Variants in ADRA1A observed in about 807,000 individuals in gnomAD.
ADRA1A encodes alpha-1A adrenergic receptor.
ADRA1A carries 31 observed loss-of-function variants against 29.6 expected under a neutral mutation model. That is an observed-to-expected ratio of 1.05 (90% confidence interval 0.79 to 1.41). ADRA1A has a LOEUF of 1.41. Among genes scored for constraint, ADRA1A ranks in the 40% most tolerant of loss-of-function variants. The pLI is 0.00. For missense variants in ADRA1A, 619 were observed against 601.1 expected, an observed-to-expected ratio of 1.03 and a Z score of -0.31; for synonymous variants, 311 against 254.3, an observed-to-expected ratio of 1.22 and a Z score of -2.12.
chr8:26,766,674 A>G (rs1805808434), downstream of ADRA1A, among the ~76,000 whole-genome samples: 1 of 152,182 alleles, frequency 6.6e-6, no homozygotes. Context: ...GGGCTATGGA[A>G]AATGTGCAGG....
intron 2 of ADRA1A, among the ~76,000 whole-genome samples, chr8:26,850,733 C>G (rs894179199): frequency 1.3e-5 from 2 of 152,200 alleles, no homozygotes; most frequent in African/African-American, 4.8e-5. Flanking sequence ...CTCAAGTGAT[C>G]CGCCCACCTC....
downstream of ADRA1A, among the ~76,000 whole-genome samples, chr8:26,764,301 C>T (rs1805660376): frequency 6.6e-6 from 1 of 152,146 alleles, no homozygotes; most frequent in African/African-American, 2.4e-5. Context: ...AGCCTCCTGC[C>T]CTGCCTATTT....
Position 26,768,918 on chromosome 8 carries a change from T to C in ADRA1A, c.*1231A>G. ...GAATAGATGAAGTTGAGTTGACTAC[T>C]GGATCTTTTACCAGAACAAATGGCC... is the stretch of plus-strand genomic sequence containing the variant. On this transcript the variant is annotated 3_prime_UTR_variant, in exon 3 of 3. Coordinates refer to ENST00000380573, the MANE Select transcript of ADRA1A (RefSeq NM_000680.4). The C allele has an allele frequency of 1.0e-6, 1 of 985,482 alleles. No individual in the cohort carries two copies. The highest frequency in any genetic ancestry group is 1.2e-6 in the Non-Finnish European group (1 of 829,932). 61.0% of individuals were successfully genotyped at this position (985,482 alleles called of 1,614,324 possible).
intron 2 of ADRA1A, among the ~76,000 whole-genome samples, chr8:26,790,468 G>C (rs1244462652): frequency 1.3e-5 from 2 of 152,090 alleles, no homozygotes; most frequent in African/African-American, 4.8e-5. Flanking sequence ...ATCGTGGGGA[G>C]GGGGATAGGG....
downstream of ADRA1A, among the ~76,000 whole-genome samples, chr8:26,753,749 G>T (rs1293163280): frequency 6.6e-6 from 1 of 152,116 alleles, no homozygotes; most frequent in African/African-American, 2.4e-5. Flanking sequence ...AATTTTCTTT[G>T]CACTACCCAC....
chr8:26,816,134 A>G (rs1585749968), intron 2 of ADRA1A, among the ~76,000 whole-genome samples: 1 of 152,196 alleles, frequency 6.6e-6, no homozygotes, highest in East Asian at 1.9e-4. Context: ...GAGCAGCCCT[A>G]CAGGATAGAT....
rs1810959206 is a variant in ADRA1A, at chr8:26,831,329, A to G, written c.883+32758T>C. Among the ~76,000 whole-genome samples the G allele has an allele frequency of 6.6e-6, 1 of 152,184 alleles. No homozygotes were observed. The highest frequency in any genetic ancestry group is 2.1e-4 in the South Asian group (1 of 4,824). Reference sequence around the variant, plus strand: ...ATATAGGGTCAGCTTAATTTCACACACAAGTAAGGGGAGAAGAGATGCCAA... The same window carrying G: ...ATATAGGGTCAGCTTAATTTCACACGCAAGTAAGGGGAGAAGAGATGCCAA... On this transcript the variant is annotated intron_variant, in intron 2 of 2. Coordinates refer to ENST00000380573, the MANE Select transcript of ADRA1A (RefSeq NM_000680.4). The surrounding 1 kb of genome is among the most constrained non-coding windows in gnomAD (Gnocchi z 5.2).
rs1205347100 is a variant in ADRA1A at position 26,769,420 on chromosome 8, T to C, written c.*729A>G. ...GATGCTCAGGTCTATTGTTTTCTCTTGGGAAAAGCCATACCACCCTGGTTG... is the reference window on the plus strand; with the variant it reads ...GATGCTCAGGTCTATTGTTTTCTCTCGGGAAAAGCCATACCACCCTGGTTG... On this transcript the variant is annotated 3_prime_UTR_variant, in exon 3 of 3. Coordinates refer to ENST00000380573, the MANE Select transcript of ADRA1A (RefSeq NM_000680.4). The C allele has an allele frequency of 1.0e-6, 1 of 985,296 alleles. No homozygotes were observed. Among genetic ancestry groups the C allele is most frequent in the Non-Finnish European group, 1.2e-6 (1 of 829,930 alleles). The allele number at this position is 985,296 out of a possible 1,614,324, so 61.0% of individuals were successfully genotyped here. A position where few individuals can be genotyped will look rare whatever the true frequency, so the allele number is the denominator to read the frequency against.
At chr8:26,812,896 G>A (rs1180315970) in intron 2 of ADRA1A, among the ~76,000 whole-genome samples, 1 of 151,970 alleles carries the variant, frequency 6.6e-6, no homozygotes, top group Non-Finnish European at 1.5e-5. Context: ...TCGATCTCCT[G>A]ACCTTGTGAT....
At chr8:26,840,180 C>T (rs1020620249) in intron 2 of ADRA1A, among the ~76,000 whole-genome samples, 12 of 152,174 alleles carry the variant, frequency 7.9e-5, no homozygotes, top group Admixed American at 6.5e-4. Flanking sequence ...TTCCAATGGA[C>T]ACAGTTAGAC....
At chr8:26,819,067 A>G (rs1809971514) in intron 2 of ADRA1A, among the ~76,000 whole-genome samples, 1 of 152,196 alleles carries the variant, frequency 6.6e-6, no homozygotes. Context: ...AAAGTCAAAG[A>G]CAAAGAGGAT....
At chr8:26,836,372 C>G (rs1811361957) in intron 2 of ADRA1A, 1 of 154,106 alleles carries the variant, frequency 6.5e-6, no homozygotes, top group South Asian at 2.1e-4. Context: ...ATGACTGACT[C>G]AGTGAGTCTA....
At chr8:26,856,412 T>TGGATAAA (rs1813049808) in intron 2 of ADRA1A, among the ~76,000 whole-genome samples, 1 of 152,236 alleles carries the variant, frequency 6.6e-6, no homozygotes, top group South Asian at 2.1e-4. Context: ...ATCATGTCAT[T>TGGATAAA]CCTGCTCATC....
Position 26,785,825 on chromosome 8 carries a change from A to G in ADRA1A, c.884-15159T>C, listed in dbSNP as rs188131434. On this transcript the variant is annotated intron_variant, in intron 2 of 2. Transcript: ENST00000380573. Reference sequence around the variant, plus strand: ...CCCATCTTTATAAATTATATTTGGTATTCACTCACTGTTAAGAAAAAGTGA... The same window carrying G: ...CCCATCTTTATAAATTATATTTGGTGTTCACTCACTGTTAAGAAAAAGTGA... Among the ~76,000 whole-genome samples, 16 of 152,282 alleles carry G rather than the reference A, an allele frequency of 1.1e-4. No homozygotes were observed. In the East Asian group the frequency reaches 2.3e-3, roughly 22 times the overall value.
chr8:26,798,493 GC>G (rs1808341488), intron 2 of ADRA1A, among the ~76,000 whole-genome samples: 1 of 152,078 alleles, frequency 6.6e-6, no homozygotes, highest in South Asian at 2.1e-4. Flanking sequence ...CCTACCTCCT[GC>G]TTATTCTCAT....
rs1808924494 is a variant in ADRA1A at position 26,805,745 on chromosome 8, G to C, written c.884-35079C>G. Among the ~76,000 whole-genome samples the C allele has an allele frequency of 6.6e-6, 1 of 152,050 alleles. No homozygotes were observed. The highest frequency in any genetic ancestry group is 2.4e-5 in the African/African-American group (1 of 41,388). Reference sequence around the variant, plus strand: ...TTCTTTTTTGTGTTGCTTCTACCTGGTACAAGAATCTTGATGAGCCAAGAG... The same window carrying C: ...TTCTTTTTTGTGTTGCTTCTACCTGCTACAAGAATCTTGATGAGCCAAGAG... On this transcript the variant is annotated intron_variant, in intron 2 of 2. Coordinates refer to ENST00000380573, the MANE Select transcript of ADRA1A (RefSeq NM_000680.4). The surrounding 1 kb of genome is among the most constrained non-coding windows in gnomAD (Gnocchi z 4.8).
At chr8:26,784,051 G>A (rs1807195078) in intron 2 of ADRA1A, among the ~76,000 whole-genome samples, 1 of 152,198 alleles carries the variant, frequency 6.6e-6, no homozygotes, top group Non-Finnish European at 1.5e-5. Flanking sequence ...AGAGCATCAA[G>A]AAGAATAGCT....
chr8:26,846,440 C>A (rs1812204617), intron 2 of ADRA1A, among the ~76,000 whole-genome samples: 1 of 152,176 alleles, frequency 6.6e-6, no homozygotes, highest in African/African-American at 2.4e-5. Flanking sequence ...ACAATGCCAG[C>A]AGCATCTCCC....
At chr8:26,843,894 C>T (rs1031181016) in intron 2 of ADRA1A, among the ~76,000 whole-genome samples, 2 of 152,146 alleles carry the variant, frequency 1.3e-5, no homozygotes, top group East Asian at 1.9e-4. Flanking sequence ...AATAAATTGG[C>T]GAACACGTGT....
Sources: gnomAD v4.1 joint callset for allele counts (sites outside exome capture counted in the v4.1 genomes callset) on GRCh38, gnomAD v4.1.1 for gene constraint, Gnocchi (gnomAD v3.1) non-coding constraint, MANE v1.5 for transcripts, NCBI Gene and HGNC (gene_info 2026-07-23, HGNC 2026-07-21) for gene names.